Variants in HOXB2 observed in about 807,000 individuals in gnomAD.
HOXB2 encodes homeobox B2.
A neutral mutation model predicts 13.1 loss-of-function variants in HOXB2; 14 were observed. That is an observed-to-expected ratio of 1.07 (90% CI 0.71 to 1.67). HOXB2 has a LOEUF of 1.67. Ranked by LOEUF, HOXB2 falls within the 40% of genes most tolerant of loss-of-function variation. The probability of loss-of-function intolerance (pLI) is 0.00; values close to 1 mark genes in which losing one functional copy is unlikely to be tolerated. For missense variants in HOXB2, 582 were observed against 488.3 expected, an observed-to-expected ratio of 1.19 and a Z score of -1.81; for synonymous variants, 261 against 233.1, an observed-to-expected ratio of 1.12 and a Z score of -1.09.
In HOXB2 at chr17:48,543,100, T is replaced by A. The variant is rs201436434; in HGVS notation, c.1039A>T (p.Thr347Ser). 5.7e-5 allele frequency: 92 copies of A among 1,612,108 alleles called. No individual in the cohort carries two copies. In the East Asian group the frequency reaches 1.5e-3, roughly 26 times the overall value. ...AACTGCAGGTCGATGGCACAGAGCG[T>A]ACTGGTGAAAAAATCCAGCTCTTCC... Reference protein sequence around the residue: ...SEEELDFFTSTLCAIDLQFP With the variant: ...SEEELDFFTSSLCAIDLQFP Residue 347 changes from threonine (T) to serine (S), a missense_variant, in exon 2 of 2, where the codon ACG becomes TCG. Coordinates refer to ENST00000330070, the MANE Select transcript of HOXB2 (RefSeq NM_002145.4).
chr17:48,544,639 C>T lies in HOXB2; in HGVS notation c.273G>A (p.Pro91=), dbSNP rs755616496. The change falls in exon 1 of 2, where the codon CCG becomes CCA. Residue 91 remains proline, a synonymous_variant. Transcript: ENST00000330070. ...CTTTCATCCAAGGGAACTCGGGGGC[C>T]GGGGGGGCAGCGGGGAGTGGCGGCG... The part of the protein sequence containing the change: ...PPPPPLPAAP[P]APEFPWMKEK... 3 of 1,610,292 alleles carry T rather than the reference C, an allele frequency of 1.9e-6. No individual in the cohort carries two copies. Among genetic ancestry groups the T allele is most frequent in the Non-Finnish European group, 2.5e-6 (3 of 1,178,378 alleles).
intron 1 of HOXB2, 110 bp downstream of exon 1, chr17:48,544,411 G>A (rs1468284850): frequency 4.7e-5 from 68 of 1,452,436 alleles, no homozygotes; most frequent in Non-Finnish European, 6.0e-5. Context: ...GGAATGGAGG[G>A]GGTAAGGAAC....
intron 1 of HOXB2, 190 bp downstream of exon 1, chr17:48,544,327 GAGAC>G (rs2068543069): frequency 1.5e-6 from 2 of 1,344,134 alleles, no homozygotes; most frequent in Non-Finnish European, 1.9e-6. Flanking sequence ...AAGAGAGAGA[GAGAC>G]AGAAAAAAAA....
At position 48,543,495 on chromosome 17, in the gene HOXB2, G is replaced by GGGCA; in HGVS notation, c.640_643dup (p.Pro215LeufsTer112). ...GTCGCAGATGTCCTCCAGGGCTCCCGGGCAGGCAGGCTCCCCATCCGGCGG... is the reference window on the plus strand; with the variant it reads ...GTCGCAGATGTCCTCCAGGGCTCCCGGGCAGGCAGGCAGGCTCCCCATCCGGCGG... On this transcript the variant is annotated frameshift_variant, in exon 2 of 2. Transcript: ENST00000330070. LOFTEE classifies it low-confidence loss of function (END_TRUNC). 1.9e-6 allele frequency: 3 copies of GGGCA among 1,612,340 alleles called. No individual in the cohort carries two copies. The highest frequency in any genetic ancestry group is 4.5e-5 in the East Asian group (2 of 44,806).
Position 48,545,024 on chromosome 17 carries a change from G to T in HOXB2, c.-113C>A. Reference sequence around the variant, plus strand: ...TATGTAATGGAGCGATTTTGGGAGGGGGAGATTTCGGTCTCTCTTTTTTTT... The same window carrying T: ...TATGTAATGGAGCGATTTTGGGAGGTGGAGATTTCGGTCTCTCTTTTTTTT... On this transcript the variant is annotated 5_prime_UTR_variant, in exon 1 of 2. Transcript: ENST00000330070. 2 of 918,814 alleles carry T rather than the reference G, an allele frequency of 2.2e-6. No individual in the cohort carries two copies. The highest frequency in any genetic ancestry group is 3.2e-6 in the Non-Finnish European group (2 of 627,894). The allele number at this position is 918,814 out of a possible 1,614,324, so 56.9% of individuals were successfully genotyped here.
Position 48,544,657 on chromosome 17 carries a change from T to G in HOXB2, c.255A>C (p.Pro85=). Residue 85 remains proline, a synonymous_variant, in exon 1 of 2, where the codon CCA becomes CCC. Coordinates refer to ENST00000330070, the MANE Select transcript of HOXB2 (RefSeq NM_002145.4). ...GPALPPPPPP[P]LPAAPPAPEF... is the part of the protein sequence containing the mutation. Reference sequence around the variant, plus strand: ...CGGGGGCCGGGGGGGCAGCGGGGAGTGGCGGCGGCGGTGGCGGCGGCAGAG... The same window carrying G: ...CGGGGGCCGGGGGGGCAGCGGGGAGGGGCGGCGGCGGTGGCGGCGGCAGAG... The G allele has an allele frequency of 6.2e-7, 1 of 1,610,074 alleles. No individual in the cohort carries two copies. Among genetic ancestry groups the G allele is most frequent in the African/African-American group, 1.3e-5 (1 of 74,594 alleles).
rs1443522739 is a variant in HOXB2 at position 48,543,506 on chromosome 17, C to A, written c.633G>T (p.Glu211Asp). 26 of 1,612,518 alleles carry A rather than the reference C, an allele frequency of 1.6e-5. No individual in the cohort carries two copies. Among genetic ancestry groups the A allele is most frequent in the Non-Finnish European group, 2.2e-5 (26 of 1,179,910 alleles). Residue 211 changes from glutamate (E) to aspartate (D), a missense_variant, in exon 2 of 2, where the codon GAG becomes GAT. Physicochemically the swap from Glu to Asp is conservative, Grantham distance 45. Transcript: ENST00000330070. ...CCTCCAGGGCTCCCGGGCAGGCAGG[C>A]TCCCCATCCGGCGGCTCTCGGTGCT... ...QTQHREPPDGEPACPGALEDI... is the reference protein window; with the variant it reads ...QTQHREPPDGDPACPGALEDI...
Position 48,544,793 on chromosome 17 carries a change from G to C in HOXB2, c.119C>G (p.Ser40Trp), listed in dbSNP as rs200260296. 4 of 1,614,022 alleles carry C rather than the reference G, an allele frequency of 2.5e-6. No individual in the cohort carries two copies. In the East Asian group the frequency reaches 8.9e-5, roughly 36 times the overall value. Residue 40 changes from serine (S) to tryptophan (W), a missense_variant, in exon 1 of 2, where the codon TCG (serine) becomes TGG (tryptophan). Coordinates refer to ENST00000330070, the MANE Select transcript of HOXB2 (RefSeq NM_002145.4). ...ETFQTSSIKE[S>W]TLIPPPPPFE... ...AGGAGGAGGAGGAGGAATTAATGTC[G>C]ACTCCTTGATTGATGAAGTTTGAAA...
In HOXB2 at chr17:48,543,480, T is replaced by TC; in HGVS notation, c.658dup (p.Asp220GlyfsTer106). The stretch of plus-strand genomic sequence containing the variant: ...GGGTTCCTCGGCAGGGTCGCAGATG[T>TC]CCTCCAGGGCTCCCGGGCAGGCAGG... On this transcript the variant is annotated frameshift_variant, in exon 2 of 2. Transcript: ENST00000330070. LOFTEE classifies it low-confidence loss of function (END_TRUNC). 6.2e-7 allele frequency: 1 copy of TC among 1,611,030 alleles called. No homozygotes were observed. The highest frequency in any genetic ancestry group is 8.5e-7 in the Non-Finnish European group (1 of 1,179,690).
rs372488645 is a variant in HOXB2, at chr17:48,543,740, C to T, written c.399G>A (p.Leu133=). Residue 133 remains leucine, a synonymous_variant, in exon 2 of 2, where the codon CTG becomes CTA. Transcript: ENST00000330070. Reference sequence around the variant, plus strand: ...CGCCGCCACCAGCCTCCGGCAGTCCCAGGCCATCTGCAGGGAAAACAGGCT... The same window carrying T: ...CGCCGCCACCAGCCTCCGGCAGTCCTAGGCCATCTGCAGGGAAAACAGGCT... The part of the protein sequence containing the change: ...ASGVGSPADG[L]GLPEAGGGGA... The T allele has an allele frequency of 1.8e-5, 28 of 1,598,944 alleles. No individual in the cohort carries two copies. The highest frequency in any genetic ancestry group is 2.3e-5 in the Non-Finnish European group (27 of 1,172,574).
rs2068556796 is a variant in HOXB2, at chr17:48,545,017, TG to T, written c.-107del. 1 of 1,051,636 alleles carries T rather than the reference TG, an allele frequency of 9.5e-7. No homozygotes were observed. The highest frequency in any genetic ancestry group is 1.6e-5 in the African/African-American group (1 of 62,130). The allele number at this position is 1,051,636 out of a possible 1,614,324, so 65.1% of individuals were successfully genotyped here. ...CCCGATTTATGTAATGGAGCGATTT[TG>T]GGAGGGGGAGATTTCGGTCTCTCTT... On this transcript the variant is annotated 5_prime_UTR_variant, in exon 1 of 2. Transcript: ENST00000330070.
chr17:48,543,556 G>A lies in HOXB2; in HGVS notation c.583C>T (p.Arg195Cys), dbSNP rs1278617909. The change falls in exon 2 of 2, where the codon CGC becomes TGC. Residue 195 changes from arginine (R) to cysteine (C), a missense_variant. Physicochemically the swap from Arg to Cys is radical, Grantham distance 180. Coordinates refer to ENST00000330070, the MANE Select transcript of HOXB2 (RefSeq NM_002145.4). ...RQVKVWFQNR[R>C]MKHKRQTQHR... ...TGCGTCTGCCGCTTGTGCTTCATGC[G>A]CCGGTTCTGAAACCAGACTTTGACC... 1.2e-6 allele frequency: 2 copies of A among 1,613,188 alleles called. No homozygotes were observed. The highest frequency in any genetic ancestry group is 3.3e-5 in the Admixed American group (2 of 60,022).
In HOXB2 at chr17:48,544,862, G is replaced by A; in HGVS notation, c.50C>T (p.Ser17Leu). Residue 17 changes from serine to leucine, a missense_variant, in exon 1 of 2, where the codon TCG becomes TTG. Physicochemically the swap from Ser to Leu is moderately radical, Grantham distance 145. Coordinates refer to ENST00000330070, the MANE Select transcript of HOXB2 (RefSeq NM_002145.4). Reference sequence around the variant, plus strand: ...GAAGGAAGTCAGACACTCGGCGAGCGACGGCTGGCTGTTTATAAACCCAAT... The same window carrying A: ...GAAGGAAGTCAGACACTCGGCGAGCAACGGCTGGCTGTTTATAAACCCAAT... ...REIGFINSQP[S>L]LAECLTSFPA... 6.2e-7 allele frequency: 1 copy of A among 1,610,718 alleles called. No homozygotes were observed. The highest frequency in any genetic ancestry group is 8.5e-7 in the Non-Finnish European group (1 of 1,178,714).
Position 48,545,014 on chromosome 17 carries a change from T to C in HOXB2, c.-103A>G. On this transcript the variant is annotated 5_prime_UTR_variant, in exon 1 of 2. Transcript: ENST00000330070. ...CCCCCCGATTTATGTAATGGAGCGA[T>C]TTTGGGAGGGGGAGATTTCGGTCTC... 1 of 1,089,468 alleles carries C rather than the reference T, an allele frequency of 9.2e-7. No homozygotes were observed. The highest frequency in any genetic ancestry group is 1.3e-6 in the Non-Finnish European group (1 of 777,758). The allele number at this position is 1,089,468 out of a possible 1,614,324, so 67.5% of individuals were successfully genotyped here. A position where few individuals can be genotyped will look rare whatever the true frequency, so the allele number is the denominator to read the frequency against.
chr17:48,543,198 G>GA lies in HOXB2; in HGVS notation c.940dup (p.Ser314PhefsTer12), dbSNP rs2068518267. 6.2e-7 allele frequency: 1 copy of GA among 1,613,772 alleles called. No homozygotes were observed. The highest frequency in any genetic ancestry group is 1.3e-5 in the African/African-American group (1 of 74,928). The stretch of plus-strand genomic sequence containing the variant: ...GAGGCCTCCGGATAGCTGGAGACAG[G>GA]AGTCGGCCGCGAAGAAGTTGAGGTC... On this transcript the variant is annotated frameshift_variant, in exon 2 of 2. Transcript: ENST00000330070. LOFTEE classifies it high-confidence loss of function.
chr17:48,543,696 G>C lies in HOXB2; in HGVS notation c.443C>G (p.Thr148Arg). 1 of 1,610,614 alleles carries C rather than the reference G, an allele frequency of 6.2e-7. No individual in the cohort carries two copies. Among genetic ancestry groups the C allele is most frequent in the Non-Finnish European group, 8.5e-7 (1 of 1,178,224 alleles). Residue 148 changes from threonine (T) to arginine (R), a missense_variant, in exon 2 of 2, where the codon ACG (threonine) becomes AGG (arginine). Coordinates refer to ENST00000330070, the MANE Select transcript of HOXB2 (RefSeq NM_002145.4). Reference protein sequence around the residue: ...AGGGGARRLRTAYTNTQLLEL... With the variant: ...AGGGGARRLRRAYTNTQLLEL... ...CAGCAGCTGCGTGTTGGTGTAAGCC[G>C]TGCGCAGCCTGCGCGCCCCGCCGCC... is the stretch of plus-strand genomic sequence containing the variant.
At chr17:48,543,775 A>C in intron 1 of HOXB2, 28 bp from the exon 2 acceptor site, 1 of 1,564,316 alleles carries the variant, frequency 6.4e-7, no homozygotes, top group Non-Finnish European at 8.6e-7. Flanking sequence ...TCGGCGTCAT[A>C]GCGGGCCGTG....
At position 48,543,233 on chromosome 17, in the gene HOXB2, A is replaced by T; in HGVS notation, c.906T>A (p.Pro302=). The T allele has an allele frequency of 6.2e-7, 1 of 1,613,024 alleles. No homozygotes were observed. Among genetic ancestry groups the T allele is most frequent in the Non-Finnish European group, 8.5e-7 (1 of 1,179,954 alleles). ...EDVFSGRQDS[P]FLPDLNFFAA... is the part of the protein sequence containing the mutation. The stretch of plus-strand genomic sequence containing the variant: ...CGAAGAAGTTGAGGTCGGGAAGGAA[A>T]GGTGAATCCTGGCGCCCCGAGAAGA... Residue 302 remains proline, a synonymous_variant, in exon 2 of 2, where the codon CCT becomes CCA. Transcript: ENST00000330070.
In HOXB2 at chr17:48,543,329, T is replaced by A; in HGVS notation, c.810A>T (p.Ala270=). The A allele has an allele frequency of 6.3e-7, 1 of 1,599,342 alleles. No individual in the cohort carries two copies. The highest frequency in any genetic ancestry group is 8.5e-7 in the Non-Finnish European group (1 of 1,176,918). Residue 270 remains alanine, a synonymous_variant, in exon 2 of 2, where the codon GCA becomes GCT. Coordinates refer to ENST00000330070, the MANE Select transcript of HOXB2 (RefSeq NM_002145.4). ...GCGCGCAGCCGGGACTCGACGCGCC[T>A]GCGCCCTCTAAGCGAACGGCTAAAG... is the stretch of plus-strand genomic sequence containing the variant. ...PRPLAVRLEG[A]GASSPGCALR...
Sources: allele counts gnomAD v4.1 joint callset, GRCh38; gene constraint gnomAD v4.1.1; transcripts MANE v1.5; gene names NCBI Gene and HGNC (gene_info 2026-07-23, HGNC 2026-07-21).